HSP90AA1: variants seen among roughly 807,000 people sequenced by gnomAD.
HSP90AA1 encodes heat shock protein 90 alpha family class A member 1.
A neutral mutation model predicts 73.3 loss-of-function variants in HSP90AA1; 18 were observed. The ratio of observed to expected loss-of-function variants is 0.25; its 90% CI spans 0.17 to 0.36. HSP90AA1 has a LOEUF of 0.36. Among genes scored for constraint, HSP90AA1 ranks in the 10% least tolerant of loss-of-function variants. The pLI, the probability that HSP90AA1 is intolerant of heterozygous loss-of-function variation, is 1.00. For synonymous variants in HSP90AA1, 477 were observed against 296.9 expected (o/e 1.61, Z -6.24); for missense variants, 704 against 874.2 (o/e 0.81, Z 2.45).
chr14:102,122,870 G>A (rs1458246100), intron 1 of HSP90AA1, among the ~76,000 whole-genome samples: 2 of 150,516 alleles, frequency 1.3e-5, no homozygotes, highest in African/African-American at 2.4e-5. Context: ...GTTTCACCAC[G>A]TTGGCCAGGC....
intron 2 of HSP90AA1, among the ~76,000 whole-genome samples, chr14:102,098,113 C>T (rs188028611): frequency 6.6e-6 from 1 of 152,056 alleles, no homozygotes; most frequent in South Asian, 2.1e-4. Context: ...CCTTGACTGA[C>T]CTGGGGGCAA....
At chr14:102,129,960 G>GA (rs1372700387) in intron 1 of HSP90AA1, among the ~76,000 whole-genome samples, 24 of 151,598 alleles carry the variant, frequency 1.6e-4, no homozygotes, top group Admixed American at 8.6e-4. Flanking sequence ...GTTTTTGTGT[G>GA]AAATTTTTTT....
chr14:102,133,833 G>A (rs1050048231), intron 1 of HSP90AA1, among the ~76,000 whole-genome samples: 3 of 152,030 alleles, frequency 2.0e-5, no homozygotes, highest in South Asian at 4.1e-4. Flanking sequence ...GGGCAGTTGG[G>A]GGAAGGTCAT....
At chr14:102,093,310 A>T (rs1369567813) in intron 2 of HSP90AA1, among the ~76,000 whole-genome samples, 1 of 151,222 alleles carries the variant, frequency 6.6e-6, no homozygotes, top group Non-Finnish European at 1.5e-5. Flanking sequence ...AGAGATTGAG[A>T]CCATCCTGGC....
At chr14:102,102,104 T>C in intron 1 of HSP90AA1, 2 of 1,604,186 alleles carry the variant, frequency 1.2e-6, no homozygotes, top group Non-Finnish European at 1.7e-6. Context: ...ATAAACACAA[T>C]CTTCTGGACT....
intron 1 of HSP90AA1, among the ~76,000 whole-genome samples, chr14:102,110,666 G>A (rs1354552734): frequency 1.3e-5 from 2 of 151,164 alleles, no homozygotes; most frequent in East Asian, 3.9e-4. Context: ...TGCAAGCTCC[G>A]CCTCCCGGGT....
chr14:102,087,951 CTTTTTTTTTT>C (rs71116878), upstream of HSP90AA1, among the ~76,000 whole-genome samples: 349 of 93,008 alleles, frequency 3.8e-3, no homozygotes, highest in African/African-American at 0.015. Flanking sequence ...TTTTTTTTTT[CTTTTTTTTTT>C]TTTTGGACAG....
At chr14:102,134,086 G>A (rs113488788) in intron 1 of HSP90AA1, among the ~76,000 whole-genome samples, 10 of 151,608 alleles carry the variant, frequency 6.6e-5, no homozygotes, top group Non-Finnish European at 1.0e-4. Context: ...GGGAGACAGA[G>A]GTTGCAGTGA....
intron 1 of HSP90AA1, among the ~76,000 whole-genome samples, chr14:102,119,500 G>A (rs1290904752): frequency 6.6e-6 from 1 of 151,520 alleles, no homozygotes; most frequent in Non-Finnish European, 1.5e-5. Flanking sequence ...TTGTTTGTTT[G>A]TTTTTTTGAG....
intron 1 of HSP90AA1, among the ~76,000 whole-genome samples, chr14:102,107,349 G>A (rs1312591278): frequency 2.6e-5 from 4 of 151,786 alleles, no homozygotes; most frequent in African/African-American, 9.7e-5. Flanking sequence ...TTTTTGAGAC[G>A]TAGTGTTGCT....
At chr14:102,084,020 C>T (rs1476711535) in intron 6 of HSP90AA1, 37 bp from the exon 7 acceptor site, 3 of 1,503,624 alleles carry the variant, frequency 2.0e-6, no homozygotes, top group African/African-American at 1.4e-5. Context: ...TGAGTCATTC[C>T]AAGGACAAAA....
Position 102,083,854 on chromosome 14 carries a change from T to C in HSP90AA1, c.1277A>G (p.Glu426Gly). Reference protein sequence around the residue: ...LVKKCLELFTELAEDKENYKK... With the variant: ...LVKKCLELFTGLAEDKENYKK... ...GTAGTTCTCTTTATCTTCCGCCAGTTCAGTAAAGAGTTCTAAGCATTTTTT... is the reference window on the plus strand; with the variant it reads ...GTAGTTCTCTTTATCTTCCGCCAGTCCAGTAAAGAGTTCTAAGCATTTTTT... Residue 426 changes from glutamate (E) to glycine (G), a missense_variant, in exon 7 of 11, where the codon GAA becomes GGA. Glu to Gly is a moderately conservative substitution (Grantham distance 98). Transcript: ENST00000216281. The C allele has an allele frequency of 6.2e-7, 1 of 1,614,086 alleles. No homozygotes were observed. Among genetic ancestry groups the C allele is most frequent in the Non-Finnish European group, 8.5e-7 (1 of 1,179,972 alleles).
At position 102,083,567 on chromosome 14, in the gene HSP90AA1, T is replaced by C; in HGVS notation, c.1465A>G (p.Lys489Glu). 2.5e-6 allele frequency: 4 copies of C among 1,613,910 alleles called. No individual in the cohort carries two copies. Among genetic ancestry groups the C allele is most frequent in the Non-Finnish European group, 3.4e-6 (4 of 1,179,880 alleles). Residue 489 changes from lysine (K) to glutamate (E), a missense_variant, in exon 8 of 11, where the codon AAA (lysine) becomes GAA (glutamate). Coordinates refer to ENST00000216281, the MANE Select transcript of HSP90AA1 (RefSeq NM_005348.4). The stretch of plus-strand genomic sequence containing the variant: ...TTACCTGTGATATAATAGATATGTT[T>C]CTGGTTCTCCTTCATTCTGGTGCAG... ...DYCTRMKENQ[K>E]HIYYITGETK...
intron 1 of HSP90AA1, chr14:102,139,125 T>C (rs1300071463): frequency 9.3e-6 from 11 of 1,186,556 alleles, no homozygotes; most frequent in Non-Finnish European, 1.4e-5. Flanking sequence ...AGGCCGCCAG[T>C]GCTCATCACA....
intron 1 of HSP90AA1, among the ~76,000 whole-genome samples, chr14:102,115,786 T>A (rs1015575838): frequency 3.3e-5 from 5 of 151,900 alleles, no homozygotes; most frequent in East Asian, 1.9e-4. Flanking sequence ...CTAAAAAAAA[T>A]TTTTTAGAGA....
intron 1 of HSP90AA1, among the ~76,000 whole-genome samples, chr14:102,110,434 GTTTT>G (rs869268515): frequency 7.9e-5 from 10 of 126,144 alleles, no homozygotes; most frequent in African/African-American, 2.7e-4. Context: ...TTGTTTGTTT[GTTTT>G]TGAGAGAGTT....
intron 1 of HSP90AA1, among the ~76,000 whole-genome samples, chr14:102,106,419 T>C (rs1415854348): frequency 1.3e-5 from 2 of 152,070 alleles, no homozygotes; most frequent in Non-Finnish European, 2.9e-5. Context: ...TAATATCAAG[T>C]AGGGAGCTTC....
chr14:102,105,982 A>G (rs945916024), intron 1 of HSP90AA1, among the ~76,000 whole-genome samples: 2 of 152,126 alleles, frequency 1.3e-5, no homozygotes, highest in Non-Finnish European at 2.9e-5. Context: ...AGGCTGAGGC[A>G]GGAGAATTGC....
chr14:102,116,782 G>C (rs569563854), intron 1 of HSP90AA1, among the ~76,000 whole-genome samples: 23 of 152,308 alleles, frequency 1.5e-4, no homozygotes, highest in African/African-American at 5.5e-4. Flanking sequence ...CCACAATGGG[G>C]CTGGGCACAG....
Sources: allele counts gnomAD v4.1 joint callset (sites outside exome capture counted in the v4.1 genomes callset), GRCh38; gene constraint gnomAD v4.1.1; transcripts MANE v1.5; gene names NCBI Gene and HGNC (gene_info 2026-07-23, HGNC 2026-07-21).